FRAS1: variants seen among roughly 807,000 people sequenced by gnomAD.
The protein encoded by FRAS1 is extracellular matrix organizing protein FRAS1.
Under a neutral mutation model 435.2 loss-of-function variants are expected in FRAS1, and 290 were observed. The observed-to-expected ratio is 0.67, with a 90% CI of 0.61 to 0.73. FRAS1 has a LOEUF of 0.73. Ranked by LOEUF, FRAS1 falls within the 30% of genes least tolerant of loss-of-function variation. FRAS1 has a pLI of 0.00. For missense variants in FRAS1, 4,860 were observed against 5,001.5 expected (o/e 0.97, Z 0.85); for synonymous variants, 1,800 against 1,851.0 (o/e 0.97, Z 0.71).
At chr4:78,520,392 T>C (rs1384569105) in intron 67 of FRAS1, among the ~76,000 whole-genome samples, 1 of 151,980 alleles carries the variant, frequency 6.6e-6, no homozygotes, top group Non-Finnish European at 1.5e-5. Flanking sequence ...GTGCTTTATC[T>C]GGGGCAAACA....
intron 30 of FRAS1, 98 bp downstream of exon 30, chr4:78,400,985 A>G (rs1426288672): frequency 8.1e-6 from 9 of 1,107,658 alleles, no homozygotes; most frequent in Non-Finnish European, 1.2e-5. Context: ...AATTCCAATG[A>G]ACTGAGCTTT....
chr4:78,289,992 G>A (rs1439432563), intron 14 of FRAS1, among the ~76,000 whole-genome samples: 1 of 152,182 alleles, frequency 6.6e-6, no homozygotes, highest in East Asian at 1.9e-4. Context: ...GAACTCGCCA[G>A]GTCCTGAGAA....
At chr4:78,330,521 G>A (rs1729904042) in intron 18 of FRAS1, among the ~76,000 whole-genome samples, 1 of 152,198 alleles carries the variant, frequency 6.6e-6, no homozygotes. Flanking sequence ...AAGCAAATGG[G>A]AGAAATATCG....
intron 14 of FRAS1, among the ~76,000 whole-genome samples, chr4:78,289,793 C>G (rs1449032325): frequency 6.6e-6 from 1 of 152,146 alleles, no homozygotes; most frequent in Non-Finnish European, 1.5e-5. Flanking sequence ...GATGGCCAGG[C>G]TTTATCCATG....
chr4:78,164,350 A>T (rs1721257063), intron 2 of FRAS1, among the ~76,000 whole-genome samples: 1 of 152,150 alleles, frequency 6.6e-6, no homozygotes, highest in African/African-American at 2.4e-5. Context: ...GTAATAAAAA[A>T]ATGGAATCAG....
At chr4:78,385,041 C>A (rs1271799677) in intron 28 of FRAS1, among the ~76,000 whole-genome samples, 5 of 151,978 alleles carry the variant, frequency 3.3e-5, no homozygotes, top group African/African-American at 4.8e-5. Flanking sequence ...CTCTAGTGTG[C>A]CAGTGTGGCC....
rs951624455 is a variant in FRAS1 at position 78,236,511 on chromosome 4, G to A, written c.109-999G>A. On this transcript the variant is annotated intron_variant, in intron 2 of 73. Coordinates refer to ENST00000512123, the MANE Select transcript of FRAS1 (RefSeq NM_025074.7). ...TTAGTGTTTGAAATTTAGCCAAACAGTATGGCTGCTTTCAACTCTAATAGG... is the reference window on the plus strand; with the variant it reads ...TTAGTGTTTGAAATTTAGCCAAACAATATGGCTGCTTTCAACTCTAATAGG... Among the ~76,000 whole-genome samples the A allele has an allele frequency of 6.2e-4, 95 of 152,138 alleles. 1 individual carries two copies. Among genetic ancestry groups the A allele is most frequent in the Non-Finnish European group, 5.1e-4 (35 of 68,032 alleles).
chr4:78,204,087 T>C (rs1723155527), intron 2 of FRAS1, among the ~76,000 whole-genome samples: 1 of 152,228 alleles, frequency 6.6e-6, no homozygotes, highest in South Asian at 2.1e-4. Context: ...CTGTTGGCCA[T>C]GAGTTCAAAG....
intron 6 of FRAS1, among the ~76,000 whole-genome samples, chr4:78,261,283 G>T (rs1726088095): frequency 6.6e-6 from 1 of 151,620 alleles, no homozygotes; most frequent in Admixed American, 6.6e-5. Context: ...GAATATTCTT[G>T]CATCTTACTG....
intron 33 of FRAS1, among the ~76,000 whole-genome samples, chr4:78,420,243 C>CA (rs1469714694): frequency 6.6e-6 from 1 of 152,146 alleles, no homozygotes; most frequent in Non-Finnish European, 1.5e-5. Flanking sequence ...ATCCTTTTGA[C>CA]AAAGTCCAAA....
intron 9 of FRAS1, among the ~76,000 whole-genome samples, chr4:78,276,134 C>A (rs1215674172): frequency 6.6e-6 from 1 of 152,218 alleles, no homozygotes; most frequent in South Asian, 2.1e-4. Flanking sequence ...GCATTCATCA[C>A]GTAGTTCTCA....
At chr4:78,516,430 G>A (rs1721219102) in intron 66 of FRAS1, among the ~76,000 whole-genome samples, 1 of 152,230 alleles carries the variant, frequency 6.6e-6, no homozygotes, top group South Asian at 2.1e-4. Context: ...GATAAGAAGA[G>A]CTCTGTTGTC....
chr4:78,124,825 C>G (rs1336293822), intron 2 of FRAS1, among the ~76,000 whole-genome samples: 2 of 152,132 alleles, frequency 1.3e-5, no homozygotes, highest in East Asian at 3.8e-4. Context: ...GTGATATCCC[C>G]TTTATCAATT....
intron 2 of FRAS1, among the ~76,000 whole-genome samples, chr4:78,092,965 T>C (rs1329810613): frequency 6.6e-6 from 1 of 152,232 alleles, no homozygotes; most frequent in Non-Finnish European, 1.5e-5. Context: ...TTATGAGTGA[T>C]GGTTTGAGAA....
chr4:78,117,407 G>T (rs184971144), intron 2 of FRAS1, among the ~76,000 whole-genome samples: 1 of 152,150 alleles, frequency 6.6e-6, no homozygotes, highest in South Asian at 2.1e-4. Flanking sequence ...AGTTCTCTTG[G>T]ATAATATCCT....
Position 78,481,929 on chromosome 4 carries a change from C to A in FRAS1, c.8569C>A (p.Arg2857=). ...TPGVDYVPSS[R]KVEFGPGVIE... ...AGGAGTTGACTACGTTCCCAGCTCT[C>A]GGAAGGTGGAATTTGGGCCTGGTGT... The change falls in exon 57 of 74, where the codon CGG becomes AGG. Residue 2857 remains arginine, a synonymous_variant. Coordinates refer to ENST00000512123, the MANE Select transcript of FRAS1 (RefSeq NM_025074.7). 6.2e-7 allele frequency: 1 copy of A among 1,613,824 alleles called. No individual in the cohort carries two copies. Among genetic ancestry groups the A allele is most frequent in the Non-Finnish European group, 8.5e-7 (1 of 1,179,832 alleles).
chr4:78,467,357 G>A (rs1023521215), intron 50 of FRAS1, among the ~76,000 whole-genome samples: 1 of 151,858 alleles, frequency 6.6e-6, no homozygotes, highest in African/African-American at 2.4e-5. Flanking sequence ...TTTCACTTAA[G>A]GGAATGGCCT....
intron 4 of FRAS1, among the ~76,000 whole-genome samples, chr4:78,249,761 C>A (rs1361795883): frequency 6.6e-6 from 1 of 152,024 alleles, no homozygotes; most frequent in Admixed American, 6.6e-5. Flanking sequence ...GCTAATATAG[C>A]CCTCTTATTT....
At chr4:78,273,032 C>T (rs1399442230) in intron 9 of FRAS1, among the ~76,000 whole-genome samples, 2 of 152,008 alleles carry the variant, frequency 1.3e-5, no homozygotes, top group African/African-American at 4.8e-5. Flanking sequence ...CCTTCATATC[C>T]CTTGTAAGTT....
Sources: gnomAD v4.1 joint callset for allele counts (sites outside exome capture counted in the v4.1 genomes callset) on GRCh38, gnomAD v4.1.1 for gene constraint, MANE v1.5 for transcripts, NCBI Gene and HGNC (gene_info 2026-07-23, HGNC 2026-07-21) for gene names.